SMAD2: variants seen among roughly 807,000 people sequenced by gnomAD.
SMAD2 encodes the protein MAD homolog 2.
SMAD2 carries 8 observed loss-of-function variants against 64.4 expected under a neutral mutation model. That is an observed-to-expected ratio of 0.12 (90% CI 0.07 to 0.22). SMAD2 has a LOEUF of 0.22. SMAD2 is among the 10% of genes least tolerant of loss of function. The probability of loss-of-function intolerance (pLI) is 1.00; values close to 1 mark genes in which losing one functional copy is unlikely to be tolerated. For synonymous variants in SMAD2, 203 were observed against 195.8 expected (o/e 1.04, Z -0.31); for missense variants, 289 against 561.2 (o/e 0.51, Z 4.90).
intron 2 of SMAD2, among the ~76,000 whole-genome samples, chr18:47,879,193 GTTCT>G (rs1372359606): frequency 2.6e-5 from 4 of 152,262 alleles, no homozygotes; most frequent in African/African-American, 9.6e-5. Context: ...AGAGTTCGCT[GTTCT>G]TTTTTTCTTT....
At chr18:47,845,229 T>C (rs1179269446) in intron 10 of SMAD2, 111 bp downstream of exon 10, 1 of 1,119,348 alleles carries the variant, frequency 8.9e-7, no homozygotes, top group Non-Finnish European at 1.4e-6. Flanking sequence ...AAAGATCAGC[T>C]GACTCTATAA....
In SMAD2 at chr18:47,886,255, A is replaced by C. The variant is rs764297025; in HGVS notation, c.236+10266T>G. Among the ~76,000 whole-genome samples the C allele has an allele frequency of 5.1e-4, 77 of 152,280 alleles. 1 individual carries two copies. Among genetic ancestry groups the C allele is most frequent in the Non-Finnish European group, 9.6e-4 (65 of 68,022 alleles). ...TTAGCATCCCACAAAATAAAAATCA[A>C]CTCAAATCTGTATAGCACTCTGAAT... On this transcript the variant is annotated intron_variant, in intron 2 of 10. Transcript: ENST00000262160.
At position 47,845,474 on chromosome 18, in the gene SMAD2, C is replaced by T. The variant is rs1914404365; in HGVS notation, c.1146G>A (p.Leu382=). ...TVCKIPPGCN[L]KIFNNQEFAA... is the part of the protein sequence containing the mutation. ...CAAATTCCTGGTTGTTGAAGATCTTCAGATTACAGCCTATGATTAAAAAAG... is the reference window on the plus strand; with the variant it reads ...CAAATTCCTGGTTGTTGAAGATCTTTAGATTACAGCCTATGATTAAAAAAG... The change falls in exon 10 of 11, where the codon CTG becomes CTA. Residue 382 remains leucine (L), a synonymous_variant. Coordinates refer to ENST00000262160, the MANE Select transcript of SMAD2 (RefSeq NM_005901.6). 17 of 1,613,322 alleles carry T rather than the reference C, an allele frequency of 1.1e-5. No homozygotes were observed. Among genetic ancestry groups the T allele is most frequent in the Non-Finnish European group, 1.4e-5 (17 of 1,179,398 alleles).
At chr18:47,929,156 CTCTGCTTCA>C (rs2144563241) in intron 1 of SMAD2, among the ~76,000 whole-genome samples, 1 of 152,308 alleles carries the variant, frequency 6.6e-6, no homozygotes, top group Non-Finnish European at 1.5e-5. Flanking sequence ...CTTCTCCCAT[CTCTGCTTCA>C]TCTGCTTCAC....
chr18:47,911,535 C>A (rs886589089), intron 1 of SMAD2, among the ~76,000 whole-genome samples: 1 of 152,152 alleles, frequency 6.6e-6, no homozygotes, highest in Non-Finnish European at 1.5e-5. Flanking sequence ...GCCATGTCAA[C>A]CCTTTTTAGG....
rs1912657032 is a variant in SMAD2 at position 47,823,864 on chromosome 18, A to C, written c.*17963T>G. ...ATCTGTTATTTGCCAAATTTTCTGC[A>C]GAAAGAAGTACAATTCCTAACAGAA... On this transcript the variant is annotated 3_prime_UTR_variant, in exon 11 of 11. Transcript: ENST00000262160. 6.6e-6 allele frequency: 1 copy of C among 152,218 alleles called. No individual in the cohort carries two copies. The highest frequency in any genetic ancestry group is 1.5e-5 in the Non-Finnish European group (1 of 68,036). 9.4% of individuals were successfully genotyped at this position (152,218 alleles called of 1,614,324 possible).
rs981634932 is a variant in SMAD2, at chr18:47,820,602, T to C, written c.*21225A>G. ...AGAATAATTCTGTATGAGTCTTGCATAGTAACTTTTTATCCTAAAGCAGGA... is the reference window on the plus strand; with the variant it reads ...AGAATAATTCTGTATGAGTCTTGCACAGTAACTTTTTATCCTAAAGCAGGA... On this transcript the variant is annotated 3_prime_UTR_variant, in exon 11 of 11. Coordinates refer to ENST00000262160, the MANE Select transcript of SMAD2 (RefSeq NM_005901.6). 1 of 152,162 alleles carries C rather than the reference T, an allele frequency of 6.6e-6. No homozygotes were observed. Among genetic ancestry groups the C allele is most frequent in the Non-Finnish European group, 1.5e-5 (1 of 68,032 alleles). The allele number at this position is 152,162 out of a possible 1,614,324, so 9.4% of individuals were successfully genotyped here.
At position 47,906,116 on chromosome 18, in the gene SMAD2, A is replaced by G. The variant is rs2033892162; in HGVS notation, c.-53-9307T>C. Among the ~76,000 whole-genome samples the G allele has an allele frequency of 2.6e-5, 4 of 152,108 alleles. No homozygotes were observed. The South Asian group carries it at 8.3e-4, about 32-fold the overall frequency. On this transcript the variant is annotated intron_variant, in intron 1 of 10. Transcript: ENST00000262160. ...AGTGGCAGAACAAGACCATGTCTCA[A>G]AAAGAAAAAAAAAGAAATAGAAAAA... is the stretch of plus-strand genomic sequence containing the variant.
chr18:47,886,923 C>CCA (rs534716422), intron 2 of SMAD2: 1 of 126,456 alleles, frequency 7.9e-6, no homozygotes, highest in Non-Finnish European at 1.7e-5. Flanking sequence ...TGATTATATG[C>CCA]AAAAAAAAAA....
At position 47,869,167 on chromosome 18, in the gene SMAD2, G is replaced by A. The variant is rs1224741932; in HGVS notation, c.520+76C>T. On this transcript the variant is annotated intron_variant, in intron 4 of 10. Coordinates refer to ENST00000262160, the MANE Select transcript of SMAD2 (RefSeq NM_005901.6). The stretch of plus-strand genomic sequence containing the variant: ...AGAATTTACACTAAAATTTTCCTGG[G>A]TCACAAGAGTACTTAAATATACTGA... The A allele has an allele frequency of 2.8e-6, 3 of 1,059,560 alleles. No homozygotes were observed. The African/African-American group carries it at 4.7e-5, about 17-fold the overall frequency. 65.6% of individuals were successfully genotyped at this position (1,059,560 alleles called of 1,614,324 possible).
chr18:47,865,029 C>T (rs746541534), intron 6 of SMAD2, 30 bp downstream of exon 6: 1 of 1,288,716 alleles, frequency 7.8e-7, no homozygotes, highest in Non-Finnish European at 1.1e-6. Flanking sequence ...TATCTAATAA[C>T]TGAGGAATTT....
chr18:47,866,316 CAAAAAAAAAAAAAA>C (rs34302955), intron 5 of SMAD2, among the ~76,000 whole-genome samples: 3 of 42,100 alleles, frequency 7.1e-5, no homozygotes, highest in Non-Finnish European at 1.3e-4. Context: ...AACACCGTCT[CAAAAAAAAAAAAAA>C]AAAAAAAAAA....
In SMAD2 at chr18:47,832,529, T is replaced by G. The variant is rs1291066474; in HGVS notation, c.*9298A>C. The G allele has an allele frequency of 6.6e-6, 1 of 152,208 alleles. No homozygotes were observed. Among genetic ancestry groups the G allele is most frequent in the African/African-American group, 2.4e-5 (1 of 41,446 alleles). 9.4% of individuals were successfully genotyped at this position (152,208 alleles called of 1,614,324 possible). On this transcript the variant is annotated 3_prime_UTR_variant, in exon 11 of 11. Coordinates refer to ENST00000262160, the MANE Select transcript of SMAD2 (RefSeq NM_005901.6). Reference sequence around the variant, plus strand: ...GTTGCATACTAAAGCATGTTTAAAATGGTTTGCAGAAAACAGTCTGCTAAC... The same window carrying G: ...GTTGCATACTAAAGCATGTTTAAAAGGGTTTGCAGAAAACAGTCTGCTAAC...
chr18:47,866,076 G>A (rs982919096), intron 5 of SMAD2, among the ~76,000 whole-genome samples: 2 of 152,074 alleles, frequency 1.3e-5, no homozygotes, highest in African/African-American at 4.8e-5. Context: ...CAGCACTTTG[G>A]GAGGCCGAGG....
At chr18:47,849,330 C>T (rs1392429889) in intron 7 of SMAD2, among the ~76,000 whole-genome samples, 1 of 151,958 alleles carries the variant, frequency 6.6e-6, no homozygotes, top group Non-Finnish European at 1.5e-5. Context: ...ATATATTTAG[C>T]TTCTGCAGTT....
chr18:47,860,630 T>C (rs1376147141), intron 6 of SMAD2, among the ~76,000 whole-genome samples: 1 of 151,830 alleles, frequency 6.6e-6, no homozygotes, highest in African/African-American at 2.4e-5. Context: ...AAGAAACTCT[T>C]CGAGAAAACA....
At position 47,834,416 on chromosome 18, in the gene SMAD2, T is replaced by C. The variant is rs1325721505; in HGVS notation, c.*7411A>G. 3 of 207,270 alleles carry C rather than the reference T, an allele frequency of 1.4e-5. No homozygotes were observed. Among genetic ancestry groups the C allele is most frequent in the Non-Finnish European group, 3.0e-5 (3 of 101,594 alleles). 12.8% of individuals were successfully genotyped at this position (207,270 alleles called of 1,614,324 possible). On this transcript the variant is annotated 3_prime_UTR_variant, in exon 11 of 11. Coordinates refer to ENST00000262160, the MANE Select transcript of SMAD2 (RefSeq NM_005901.6). The stretch of plus-strand genomic sequence containing the variant: ...TATATACAAAACTCTGCTAAAAGTT[T>C]TGTATCCAGGGAAAGTCCCGCATCC...
intron 2 of SMAD2, among the ~76,000 whole-genome samples, chr18:47,887,884 C>T (rs1035578744): frequency 1.3e-5 from 2 of 152,154 alleles, no homozygotes; most frequent in African/African-American, 4.8e-5. Context: ...ATACTACTCT[C>T]GCCAAAAATC....
At chr18:47,849,943 G>A (rs1251472136) in intron 7 of SMAD2, among the ~76,000 whole-genome samples, 1 of 151,440 alleles carries the variant, frequency 6.6e-6, no homozygotes, top group African/African-American at 2.4e-5. Context: ...GGAGGCAGAG[G>A]TTGCAGTGAG....
Sources: allele counts gnomAD v4.1 joint callset (sites outside exome capture counted in the v4.1 genomes callset), GRCh38; gene constraint gnomAD v4.1.1; transcripts MANE v1.5; gene names NCBI Gene and HGNC (gene_info 2026-07-23, HGNC 2026-07-21).